Variants in BCL9 observed in about 807,000 individuals in gnomAD.
BCL9 encodes BCL9 transcription coactivator.
BCL9 carries 25 observed loss-of-function variants against 88.5 expected under a neutral mutation model. The ratio of observed to expected loss-of-function variants is 0.28; its 90% confidence interval spans 0.21 to 0.39. The LOEUF is 0.39. Among genes scored for constraint, BCL9 ranks in the 10% least tolerant of loss-of-function variants. The pLI, the probability that BCL9 is intolerant of heterozygous loss-of-function variation, is 1.00. For missense variants in BCL9, 1,817 were observed against 1,877.8 expected (o/e 0.97, Z 0.60); for synonymous variants, 711 against 673.3 (o/e 1.06, Z -0.87).
Position 147,554,668 on chromosome 1 carries a change from C to A in BCL9, c.-478+12994C>A, listed in dbSNP as rs187923040. On this transcript the variant is annotated intron_variant, in intron 1 of 9. Transcript: ENST00000234739. Reference sequence around the variant, plus strand: ...GAAGTCCACAGAATTTGGAATCAGGCGACCTGGGTTCTAGTCCTTGCTCCC... The same window carrying A: ...GAAGTCCACAGAATTTGGAATCAGGAGACCTGGGTTCTAGTCCTTGCTCCC... Among the ~76,000 whole-genome samples the A allele has an allele frequency of 9.8e-5, 15 of 152,318 alleles. No homozygotes were observed. The East Asian group carries it at 2.7e-3, about 27-fold the overall frequency.
At chr1:147,589,711 C>T (rs1371406195) in intron 1 of BCL9, among the ~76,000 whole-genome samples, 5 of 151,326 alleles carry the variant, frequency 3.3e-5, no homozygotes, top group African/African-American at 7.4e-5. Context: ...AGGGATAGAC[C>T]ACGTTTTATT....
At chr1:147,613,987 T>G (rs1553203221) in intron 5 of BCL9, among the ~76,000 whole-genome samples, 2 of 152,146 alleles carry the variant, frequency 1.3e-5, no homozygotes, top group Non-Finnish European at 2.9e-5. Flanking sequence ...CTGCTATGAG[T>G]GCCAGCACTA....
chr1:147,571,290 ATCTGAGTCT>A (rs1460352580), intron 1 of BCL9, among the ~76,000 whole-genome samples: 12 of 152,146 alleles, frequency 7.9e-5, no homozygotes, highest in Admixed American at 5.2e-4. Context: ...CTGGTCTCAG[ATCTGAGTCT>A]TCTGATTCCA....
At chr1:147,585,449 G>C (rs1172118527) in intron 1 of BCL9, among the ~76,000 whole-genome samples, 1 of 152,096 alleles carries the variant, frequency 6.6e-6, no homozygotes, top group African/African-American at 2.4e-5. Context: ...GCTGATATTA[G>C]TCACACAAGA....
chr1:147,605,463 A>G (rs1400395890), intron 2 of BCL9, among the ~76,000 whole-genome samples: 2 of 152,252 alleles, frequency 1.3e-5, no homozygotes, highest in Non-Finnish European at 2.9e-5. Context: ...TATTTTGGGT[A>G]GCCATTATTC....
rs1553204593 is a variant in BCL9 at position 147,619,467 on chromosome 1, G to A, written c.1312G>A (p.Val438Ile). The A allele has an allele frequency of 2.5e-6, 4 of 1,613,974 alleles. No individual in the cohort carries two copies. Among genetic ancestry groups the A allele is most frequent in the African/African-American group, 1.3e-5 (1 of 74,884 alleles). Reference protein sequence around the residue: ...APFGPQGHRDVPFSPDEMVPP... With the variant: ...APFGPQGHRDIPFSPDEMVPP... ...ATTTGGCCCTCAAGGACATAGAGAT[G>A]TACCCTTTTCTCCAGATGAAATGGT... is the stretch of plus-strand genomic sequence containing the variant. The change falls in exon 8 of 10, where the codon GTA becomes ATA. Residue 438 changes from valine (V) to isoleucine (I), a missense_variant. Around this residue, in one of 2 missense-constraint regions of BCL9, gnomAD observed 1,228 missense variants for 1,191.6 expected, o/e 1.03. Coordinates refer to ENST00000234739, the MANE Select transcript of BCL9 (RefSeq NM_004326.4). The surrounding 1 kb of genome is among the most constrained non-coding windows in gnomAD (Gnocchi z 4.1).
At chr1:147,545,148 A>G (rs1456464974) in intron 1 of BCL9, among the ~76,000 whole-genome samples, 1 of 152,206 alleles carries the variant, frequency 6.6e-6, no homozygotes, top group African/African-American at 2.4e-5. Context: ...TGAGAAAAAT[A>G]AGAGTCATTT....
chr1:147,570,669 C>G (rs1372046627), intron 1 of BCL9, among the ~76,000 whole-genome samples: 1 of 85,428 alleles, frequency 1.2e-5, no homozygotes, highest in Non-Finnish European at 2.3e-5. Context: ...GAGTTTTGCT[C>G]TTGTTGCATA....
intron 1 of BCL9, among the ~76,000 whole-genome samples, chr1:147,551,310 A>G (rs1654893245): frequency 1.3e-5 from 2 of 152,190 alleles, no homozygotes; most frequent in Non-Finnish European, 2.9e-5. Flanking sequence ...AGGATTTCCA[A>G]AGTCATATAA....
At position 147,620,749 on chromosome 1, in the gene BCL9, C is replaced by T. The variant is rs782193193; in HGVS notation, c.2594C>T (p.Ser865Phe). 6.2e-7 allele frequency: 1 copy of T among 1,614,156 alleles called. No individual in the cohort carries two copies. The highest frequency in any genetic ancestry group is 8.5e-7 in the Non-Finnish European group (1 of 1,180,040). ...VHSPGINPLK[S>F]PTMHQVQSPM... Reference sequence around the variant, plus strand: ...TCCCCAGGCATTAACCCTCTGAAGTCTCCCACGATGCACCAAGTCCAGTCA... The same window carrying T: ...TCCCCAGGCATTAACCCTCTGAAGTTTCCCACGATGCACCAAGTCCAGTCA... Residue 865 changes from serine (S) to phenylalanine (F), a missense_variant, in exon 8 of 10, where the codon TCT becomes TTT. Transcript: ENST00000234739.
intron 1 of BCL9, among the ~76,000 whole-genome samples, chr1:147,561,436 G>C (rs1046812944): frequency 1.3e-5 from 2 of 152,088 alleles, no homozygotes; most frequent in Admixed American, 1.3e-4. Context: ...GCTTATTTGT[G>C]TTTCCTAGGG....
chr1:147,574,740 G>T (rs1313322107), intron 1 of BCL9, among the ~76,000 whole-genome samples: 8 of 152,188 alleles, frequency 5.3e-5, no homozygotes. Context: ...CACGCGATTT[G>T]TTTCATGTCT....
chr1:147,587,085 C>T (rs1553199319), intron 1 of BCL9, among the ~76,000 whole-genome samples: 3 of 151,872 alleles, frequency 2.0e-5, no homozygotes, highest in African/African-American at 7.3e-5. Context: ...CCCCGTCTCT[C>T]CTAAACTTAC....
At chr1:147,584,729 G>T (rs1416269594) in intron 1 of BCL9, among the ~76,000 whole-genome samples, 1 of 152,156 alleles carries the variant, frequency 6.6e-6, no homozygotes, top group Non-Finnish European at 1.5e-5. Context: ...AATTTCAGTA[G>T]CATCTTTCCT....
At chr1:147,618,528 A>C (rs1388372062) in intron 7 of BCL9, among the ~76,000 whole-genome samples, 4 of 152,188 alleles carry the variant, frequency 2.6e-5, no homozygotes, top group African/African-American at 9.7e-5. Flanking sequence ...CAAAATAGAT[A>C]CTGAAATGTA....
chr1:147,557,438 A>G (rs1553195571), intron 1 of BCL9, among the ~76,000 whole-genome samples: 1 of 152,194 alleles, frequency 6.6e-6, no homozygotes, highest in Non-Finnish European at 1.5e-5. Flanking sequence ...TCTTGTATTG[A>G]GCACCAGTAG....
intron 1 of BCL9, among the ~76,000 whole-genome samples, chr1:147,589,608 GCTT>G (rs1481394847): frequency 6.6e-6 from 1 of 152,126 alleles, no homozygotes; most frequent in African/African-American, 2.4e-5. Context: ...CTTCTTTCAG[GCTT>G]CTTCTGCTTA....
In BCL9 at chr1:147,614,449, A is replaced by G. The variant is rs1658161355; in HGVS notation, c.393A>G (p.Ile131Met). 1 of 1,613,988 alleles carries G rather than the reference A, an allele frequency of 6.2e-7. No homozygotes were observed. The highest frequency in any genetic ancestry group is 2.2e-5 in the East Asian group (1 of 44,876). Residue 131 changes from isoleucine to methionine, a missense_variant, in exon 6 of 10, where the codon ATA becomes ATG. Transcript: ENST00000234739. The part of the protein sequence containing the change: ...DIKECNSADH[I>M]KSQDSQHTPH... ...TAGAATGTAATTCTGCTGACCACATAAAGTCCCAGGATTCCCAGCACACAC... is the reference window on the plus strand; with the variant it reads ...TAGAATGTAATTCTGCTGACCACATGAAGTCCCAGGATTCCCAGCACACAC...
chr1:147,583,509 C>T (rs1008836528), intron 1 of BCL9, among the ~76,000 whole-genome samples: 23 of 151,718 alleles, frequency 1.5e-4, no homozygotes, highest in African/African-American at 3.6e-4. Flanking sequence ...AACTCCTGGC[C>T]TCAGGTGATC....
Sources: allele counts gnomAD v4.1 joint callset (sites outside exome capture counted in the v4.1 genomes callset), GRCh38; gene constraint gnomAD v4.1.1; regional missense constraint gnomAD v4.1.1; non-coding constraint Gnocchi (gnomAD v3.1); transcripts MANE v1.5; gene names NCBI Gene and HGNC (gene_info 2026-07-23, HGNC 2026-07-21).